Variants in CDH12 observed in about 807,000 individuals in gnomAD.
The protein encoded by CDH12 is cadherin-12.
Under a neutral mutation model 74.1 loss-of-function variants are expected in CDH12, and 41 were observed. That is an observed-to-expected ratio of 0.55 (90% confidence interval 0.43 to 0.72). The LOEUF is 0.72. Among genes scored for constraint, CDH12 ranks in the 30% least tolerant of loss-of-function variants. The probability of loss-of-function intolerance (pLI) is 0.00; values close to 1 mark genes in which losing one functional copy is unlikely to be tolerated. For synonymous variants in CDH12, 399 were observed against 355.0 expected, an observed-to-expected ratio of 1.12 and a Z score of -1.39; for missense variants, 945 against 977.2, an observed-to-expected ratio of 0.97 and a Z score of 0.44.
chr5:22,745,415 G>A (rs1580952740), intron 1 of CDH12, among the ~76,000 whole-genome samples: 1 of 152,142 alleles, frequency 6.6e-6, no homozygotes, highest in East Asian at 1.9e-4. Context: ...TCCTGTTACT[G>A]GGTATATACA....
At chr5:22,096,097 C>A (rs767877622) in intron 4 of CDH12, among the ~76,000 whole-genome samples, 3 of 151,966 alleles carry the variant, frequency 2.0e-5, no homozygotes, top group African/African-American at 4.8e-5. Context: ...TATGGGCAAC[C>A]CTTCATTCCT....
intron 5 of CDH12, among the ~76,000 whole-genome samples, chr5:22,046,062 A>C (rs1739929474): frequency 6.6e-6 from 1 of 152,194 alleles, no homozygotes; most frequent in Admixed American, 6.5e-5. Context: ...TTGCCAATGT[A>C]AATATAAGGG....
intron 4 of CDH12, among the ~76,000 whole-genome samples, chr5:22,185,864 T>C (rs1299302232): frequency 6.6e-6 from 1 of 152,182 alleles, no homozygotes; most frequent in Non-Finnish European, 1.5e-5. Context: ...TGCTAAGGCG[T>C]ATGAAAGGAA....
intron 3 of CDH12, among the ~76,000 whole-genome samples, chr5:22,230,784 T>G (rs1752355699): frequency 6.6e-6 from 1 of 152,010 alleles, no homozygotes; most frequent in South Asian, 2.1e-4. Context: ...TTCTTTAATC[T>G]CCAAGATGAT....
At chr5:21,995,070 G>A (rs1219759773) in intron 5 of CDH12, among the ~76,000 whole-genome samples, 2 of 152,086 alleles carry the variant, frequency 1.3e-5, no homozygotes, top group Non-Finnish European at 2.9e-5. Context: ...TGAAGTTAGT[G>A]AGACCAGGAA....
intron 1 of CDH12, among the ~76,000 whole-genome samples, chr5:22,767,207 AAAC>A (rs1746560729): frequency 6.6e-6 from 1 of 151,988 alleles, no homozygotes. Flanking sequence ...TTTGAATACT[AAAC>A]AATCTCATGG....
At chr5:22,507,511 T>C (rs1736437581) in intron 1 of CDH12, among the ~76,000 whole-genome samples, 1 of 152,154 alleles carries the variant, frequency 6.6e-6, no homozygotes. Context: ...TGGGATAACT[T>C]ATTTTCTGAA....
At chr5:22,227,680 A>G (rs1432372546) in intron 3 of CDH12, among the ~76,000 whole-genome samples, 1 of 152,138 alleles carries the variant, frequency 6.6e-6, no homozygotes, top group Non-Finnish European at 1.5e-5. Context: ...AAACACTGGG[A>G]AACTTCAAAG....
intron 6 of CDH12, among the ~76,000 whole-genome samples, chr5:21,956,240 T>A (rs1238834764): frequency 6.6e-6 from 1 of 151,896 alleles, no homozygotes; most frequent in Non-Finnish European, 1.5e-5. Context: ...TCAGTAGAAT[T>A]TTTTTTCAAT....
At chr5:22,516,649 G>C (rs1336879892) in intron 1 of CDH12, among the ~76,000 whole-genome samples, 1 of 151,962 alleles carries the variant, frequency 6.6e-6, no homozygotes, top group Non-Finnish European at 1.5e-5. Flanking sequence ...ACAAAAATTA[G>C]CAGGGCATGG....
At chr5:22,109,536 T>C (rs1744692568) in intron 4 of CDH12, among the ~76,000 whole-genome samples, 1 of 152,148 alleles carries the variant, frequency 6.6e-6, no homozygotes, top group Admixed American at 6.6e-5. Flanking sequence ...GACCTGTCAG[T>C]TTCATGCCTT....
chr5:22,520,898 GTTAT>G (rs1043038134), intron 1 of CDH12, among the ~76,000 whole-genome samples: 8 of 152,000 alleles, frequency 5.3e-5, no homozygotes, highest in Admixed American at 5.2e-4. Flanking sequence ...GTTTCCGTTA[GTTAT>G]TTATTATGAA....
chr5:22,193,557 C>T (rs1750426330), intron 4 of CDH12, among the ~76,000 whole-genome samples: 1 of 151,832 alleles, frequency 6.6e-6, no homozygotes, highest in African/African-American at 2.4e-5. Context: ...GGGCATAATT[C>T]AGAAAAAAAG....
At chr5:22,685,276 C>T (rs544016382) in intron 1 of CDH12, among the ~76,000 whole-genome samples, 168 of 152,068 alleles carry the variant, frequency 1.1e-3, no homozygotes, top group East Asian at 4.7e-3. Context: ...CTCGCCCTGT[C>T]GCCCAGTCTG....
At chr5:21,826,949 G>A (rs942997872) in intron 8 of CDH12, among the ~76,000 whole-genome samples, 2 of 152,062 alleles carry the variant, frequency 1.3e-5, no homozygotes, top group Non-Finnish European at 2.9e-5. Context: ...AATGTTCAGG[G>A]TCTGTTCATT....
intron 1 of CDH12, among the ~76,000 whole-genome samples, chr5:22,697,256 A>G (rs1295250847): frequency 6.6e-6 from 1 of 152,146 alleles, no homozygotes; most frequent in African/African-American, 2.4e-5. Flanking sequence ...TGAGGTTCAG[A>G]GTGAAACATT....
At position 22,516,616 on chromosome 5, in the gene CDH12, G is replaced by A. The variant is rs375714509; in HGVS notation, c.-522-11252C>T. 1.4e-4 allele frequency among the ~76,000 whole-genome samples: 21 copies of A among 152,056 alleles called. No individual in the cohort carries two copies. In the East Asian group the frequency reaches 2.7e-3, roughly 20 times the overall value. Reference sequence around the variant, plus strand: ...TCGAGACCAGCCTGGGCAACATGGCGAAACCTTGTCTCCACAAAAAATACA... The same window carrying A: ...TCGAGACCAGCCTGGGCAACATGGCAAAACCTTGTCTCCACAAAAAATACA... On this transcript the variant is annotated intron_variant, in intron 1 of 14. Transcript: ENST00000382254.
intron 1 of CDH12, among the ~76,000 whole-genome samples, chr5:22,824,861 T>TTTTGTGTCCA (rs1749931691): frequency 6.6e-6 from 1 of 151,750 alleles, no homozygotes; most frequent in Non-Finnish European, 1.5e-5. Flanking sequence ...AATTAATATA[T>TTTTGTGTCCA]ATGTGTGTCC....
chr5:22,035,706 T>TCACACACACA (rs1386026784), intron 5 of CDH12, among the ~76,000 whole-genome samples: 1,454 of 116,998 alleles, frequency 0.012, 26 homozygotes, highest in African/African-American at 0.05. Context: ...TTTTTACACT[T>TCACACACACA]CACACATACA....
Sources: gnomAD v4.1 joint callset for allele counts (sites outside exome capture counted in the v4.1 genomes callset) on GRCh38, gnomAD v4.1.1 for gene constraint, MANE v1.5 for transcripts, NCBI Gene and HGNC (gene_info 2026-07-23, HGNC 2026-07-21) for gene names.